The following NALF1 variants were observed in gnomAD, a reference collection of about 807,000 sequenced individuals.
NALF1 encodes NALCN channel auxiliary factor 1.
Under a neutral mutation model 48.4 loss-of-function variants are expected in NALF1, and 3 were observed. The ratio of observed to expected loss-of-function variants is 0.06; its 90% CI spans 0.03 to 0.16. NALF1 has a LOEUF of 0.16. Ranked by LOEUF, NALF1 falls within the 10% of genes least tolerant of loss-of-function variation. NALF1 has a pLI of 1.00. For missense variants in NALF1, 526 were observed against 571.5 expected (o/e 0.92, Z 0.81); for synonymous variants, 262 against 245.7 (o/e 1.07, Z -0.62).
chr13:107,234,571 G>A (rs1005360802), intron 1 of NALF1, among the ~76,000 whole-genome samples: 3 of 151,948 alleles, frequency 2.0e-5, no homozygotes, highest in Non-Finnish European at 4.4e-5. Flanking sequence ...GCAGTTACTG[G>A]GTCATGTGAA....
At chr13:107,518,573 T>C (rs1264461418) in intron 1 of NALF1, among the ~76,000 whole-genome samples, 1 of 152,184 alleles carries the variant, frequency 6.6e-6, no homozygotes, top group Non-Finnish European at 1.5e-5. Context: ...GTGCTCGGGA[T>C]ATTTCAAGCT....
At chr13:107,751,712 G>C (rs1025438404) in intron 1 of NALF1, among the ~76,000 whole-genome samples, 1 of 152,060 alleles carries the variant, frequency 6.6e-6, no homozygotes, top group African/African-American at 2.4e-5. Flanking sequence ...GCTAAATCAT[G>C]ATGAGGAATG....
chr13:107,453,271 C>T (rs746145823), intron 1 of NALF1, among the ~76,000 whole-genome samples: 1 of 152,208 alleles, frequency 6.6e-6, no homozygotes, highest in African/African-American at 2.4e-5. Context: ...TCCATGAGGG[C>T]TCCGCCCCTT....
chr13:107,305,473 A>T (rs74575209), intron 1 of NALF1, among the ~76,000 whole-genome samples: 3,671 of 152,314 alleles, frequency 0.024, 48 homozygotes, highest in Middle Eastern at 0.058. Context: ...TACTCATATT[A>T]AGTTAAAAAA....
intron 1 of NALF1, among the ~76,000 whole-genome samples, chr13:107,612,871 T>C (rs1879272793): frequency 6.6e-6 from 1 of 152,158 alleles, no homozygotes; most frequent in African/African-American, 2.4e-5. Context: ...ATAGGATAAC[T>C]ATTTGTCTAT....
chr13:107,629,413 A>G (rs1324918583), intron 1 of NALF1, among the ~76,000 whole-genome samples: 1 of 152,204 alleles, frequency 6.6e-6, no homozygotes, highest in Non-Finnish European at 1.5e-5. Context: ...ATATCTGAAA[A>G]CTGAGACTGA....
chr13:107,343,770 T>A (rs1411929801), intron 1 of NALF1, among the ~76,000 whole-genome samples: 2 of 151,590 alleles, frequency 1.3e-5, no homozygotes, highest in African/African-American at 4.9e-5. Flanking sequence ...AAAAGAACGA[T>A]CTCAAATGAA....
chr13:107,516,885 A>G (rs1322189538), intron 1 of NALF1, among the ~76,000 whole-genome samples: 1 of 152,198 alleles, frequency 6.6e-6, no homozygotes, highest in Non-Finnish European at 1.5e-5. Context: ...TCTTTAATAA[A>G]CGCCAGACTT....
At chr13:107,659,725 CTAAG>C (rs1239029925) in intron 1 of NALF1, among the ~76,000 whole-genome samples, 2 of 151,872 alleles carry the variant, frequency 1.3e-5, no homozygotes, top group Non-Finnish European at 2.9e-5. Context: ...CCACTGAATT[CTAAG>C]TAATATATTC....
At position 107,602,152 on chromosome 13, in the gene NALF1, G is replaced by A. The variant is rs564122754; in HGVS notation, c.915+263530C>T. On this transcript the variant is annotated intron_variant, in intron 1 of 2. Coordinates refer to ENST00000375915, the MANE Select transcript of NALF1 (RefSeq NM_001080396.3). ...TTTTCAGTGAGTTTTAAACTCCTACGGCTTTAATGATCTTATGTAATAAAT... is the reference window on the plus strand; with the variant it reads ...TTTTCAGTGAGTTTTAAACTCCTACAGCTTTAATGATCTTATGTAATAAAT... 1.6e-4 allele frequency among the ~76,000 whole-genome samples: 24 copies of A among 152,114 alleles called. 2 individuals carry two copies. In the South Asian group the frequency reaches 3.3e-3, roughly 21 times the overall value.
intron 1 of NALF1, among the ~76,000 whole-genome samples, chr13:107,853,824 TA>T (rs1443607523): frequency 6.6e-6 from 1 of 152,188 alleles, no homozygotes; most frequent in Non-Finnish European, 1.5e-5. Flanking sequence ...TTTAAAACTT[TA>T]AAAAGTTTGA....
chr13:107,199,847 C>T (rs1248900907), intron 2 of NALF1, among the ~76,000 whole-genome samples: 3 of 152,204 alleles, frequency 2.0e-5, no homozygotes, highest in Non-Finnish European at 2.9e-5. Context: ...AGCCCCCTTG[C>T]CCCTTCACAG....
intron 1 of NALF1, among the ~76,000 whole-genome samples, chr13:107,335,082 G>A (rs1306970576): frequency 6.6e-6 from 1 of 152,126 alleles, no homozygotes; most frequent in African/African-American, 2.4e-5. Context: ...ATGAAGTGCG[G>A]AGGATGGATT....
chr13:107,176,434 A>G (rs1878933455), intron 2 of NALF1, among the ~76,000 whole-genome samples: 1 of 150,074 alleles, frequency 6.7e-6, no homozygotes, highest in South Asian at 2.1e-4. Flanking sequence ...CGAGGTCAGG[A>G]GATCGAGACC....
chr13:107,240,999 A>C (rs1288997010), intron 1 of NALF1, among the ~76,000 whole-genome samples: 1 of 140,742 alleles, frequency 7.1e-6, no homozygotes, highest in Non-Finnish European at 1.5e-5. Flanking sequence ...AGATCACCTG[A>C]GGTCAGGAGT....
intron 1 of NALF1, among the ~76,000 whole-genome samples, chr13:107,299,731 T>C (rs1881803356): frequency 6.6e-6 from 1 of 152,062 alleles, no homozygotes; most frequent in African/African-American, 2.4e-5. Flanking sequence ...ATTATGTATT[T>C]GAATAACGTT....
In NALF1 at chr13:107,612,984, G is replaced by GT. The variant is rs1423130652; in HGVS notation, c.915+252697dup. Among the ~76,000 whole-genome samples, 14 of 147,504 alleles carry GT rather than the reference G, an allele frequency of 9.5e-5. No individual in the cohort carries two copies. In the East Asian group the frequency reaches 1.6e-3, roughly 17 times the overall value. ...AGGGCAAATTTATGGGTTTTTTTGGGTTTTTTTCCCACAATGAGAAAAAAA... is the reference window on the plus strand; with the variant it reads ...AGGGCAAATTTATGGGTTTTTTTGGGTTTTTTTTCCCACAATGAGAAAAAAA... On this transcript the variant is annotated intron_variant, in intron 1 of 2. Coordinates refer to ENST00000375915, the MANE Select transcript of NALF1 (RefSeq NM_001080396.3).
intron 1 of NALF1, among the ~76,000 whole-genome samples, chr13:107,576,358 T>C (rs1878148538): frequency 6.6e-6 from 1 of 152,198 alleles, no homozygotes; most frequent in African/African-American, 2.4e-5. Context: ...AAGAAAAGTG[T>C]TTTTTTGTTT....
chr13:107,433,073 A>C (rs1884408489), intron 1 of NALF1, among the ~76,000 whole-genome samples: 1 of 152,060 alleles, frequency 6.6e-6, no homozygotes, highest in Non-Finnish European at 1.5e-5. Flanking sequence ...GTCTGACCTT[A>C]TCCAGAAATT....
Sources: gnomAD v4.1 joint callset for allele counts (sites outside exome capture counted in the v4.1 genomes callset) on GRCh38, gnomAD v4.1.1 for gene constraint, MANE v1.5 for transcripts, NCBI Gene and HGNC (gene_info 2026-07-23, HGNC 2026-07-21) for gene names.